Variants in TSPAN15 observed in about 807,000 individuals in gnomAD.
The protein encoded by TSPAN15 is tetraspanin 15.
Under a neutral mutation model 34.5 loss-of-function variants are expected in TSPAN15, and 20 were observed. That is an observed-to-expected ratio of 0.58 (90% CI 0.41 to 0.84). The LOEUF (loss-of-function observed/expected upper bound fraction) is 0.84. TSPAN15 is among the 40% of genes least tolerant of loss of function. The pLI, the probability that TSPAN15 is intolerant of heterozygous loss-of-function variation, is 0.00. For missense variants in TSPAN15, 313 were observed against 386.1 expected (o/e 0.81, Z 1.59); for synonymous variants, 155 against 153.9 (o/e 1.01, Z -0.05).
At chr10:69,539,473 AAGGAGAAGG>A in the TSPAN15 span, among the ~76,000 whole-genome samples, 399 of 61,352 alleles carry the variant, frequency 6.5e-3, 9 homozygotes, top group African/African-American at 0.018. Flanking sequence ...GGAGAAGGAG[AAGGAGAAGG>A]AGAAGAAGAA....
At chr10:69,473,817 C>T (rs1393127392) in intron 1 of TSPAN15, among the ~76,000 whole-genome samples, 1 of 152,112 alleles carries the variant, frequency 6.6e-6, no homozygotes, top group African/African-American at 2.4e-5. Flanking sequence ...CCTGCACGTT[C>T]CAGACACTTG....
chr10:69,470,247 G>A (rs950924143), intron 1 of TSPAN15, among the ~76,000 whole-genome samples: 5 of 152,116 alleles, frequency 3.3e-5, no homozygotes, highest in South Asian at 2.1e-4. Context: ...GGGAGGTATG[G>A]AATATCACAT....
rs140899572 is a variant in TSPAN15, at chr10:69,504,765, G to A, written c.618+280G>A. Among the ~76,000 whole-genome samples the A allele has an allele frequency of 6.1e-3, 923 of 152,268 alleles. 12 individuals carry two copies. The highest frequency in any genetic ancestry group is 0.021 in the African/African-American group (880 of 41,538). On this transcript the variant is annotated intron_variant, in intron 6 of 7. Transcript: ENST00000373290. ...GCCACCACGGCGCTTCCTGGTACCCGCAGCGTGCTGTGTGCCCAGCCATGC... is the reference window on the plus strand; with the variant it reads ...GCCACCACGGCGCTTCCTGGTACCCACAGCGTGCTGTGTGCCCAGCCATGC...
intron 1 of TSPAN15, among the ~76,000 whole-genome samples, chr10:69,459,105 C>CAAAAAA (rs1259881929): frequency 1.4e-4 from 8 of 57,670 alleles, no homozygotes; most frequent in East Asian, 5.1e-4. Flanking sequence ...ACAAAACAGA[C>CAAAAAA]AAAAAAAAAA....
At chr10:69,454,255 T>C (rs1841035330) in intron 1 of TSPAN15, among the ~76,000 whole-genome samples, 1 of 152,224 alleles carries the variant, frequency 6.6e-6, no homozygotes, top group South Asian at 2.1e-4. Flanking sequence ...CGGTGGCTCA[T>C]GCTTGTAATC....
the TSPAN15 span, among the ~76,000 whole-genome samples, chr10:69,533,342 G>C: frequency 6.6e-6 from 1 of 152,086 alleles, no homozygotes. Context: ...GCCATAAAAA[G>C]GAATGAATTA....
Position 69,453,899 on chromosome 10 carries a change from T to G in TSPAN15, c.96+2209T>G, listed in dbSNP as rs139570513. On this transcript the variant is annotated intron_variant, in intron 1 of 7. Transcript: ENST00000373290. ...TCCCATCCCTGGAAGTATTTCTGTT[T>G]AAAAGTCTCTACACCCATGCCAAGA... Among the ~76,000 whole-genome samples the G allele has an allele frequency of 4.7e-3, 710 of 152,292 alleles. 6 individuals are homozygous for G. Among genetic ancestry groups the G allele is most frequent in the African/African-American group, 0.016 (675 of 41,560 alleles).
At chr10:69,487,959 G>A (rs371019126) in intron 3 of TSPAN15, among the ~76,000 whole-genome samples, 1 of 152,178 alleles carries the variant, frequency 6.6e-6, no homozygotes, top group Non-Finnish European at 1.5e-5. Context: ...ACGCCTCTCC[G>A]CTGTTTGGAG....
At chr10:69,466,913 G>C (rs1206181872) in intron 1 of TSPAN15, among the ~76,000 whole-genome samples, 1 of 152,222 alleles carries the variant, frequency 6.6e-6, no homozygotes, top group Non-Finnish European at 1.5e-5. Flanking sequence ...TGAGGGAGAT[G>C]GTCTGGCCAG....
At chr10:69,452,953 G>A (rs1390741316) in intron 1 of TSPAN15, among the ~76,000 whole-genome samples, 1 of 152,202 alleles carries the variant, frequency 6.6e-6, no homozygotes, top group Non-Finnish European at 1.5e-5. Flanking sequence ...TTTGTGGGTG[G>A]GGCCTTGCCT....
chr10:69,542,740 G>T, the TSPAN15 span, among the ~76,000 whole-genome samples: 1 of 152,210 alleles, frequency 6.6e-6, no homozygotes, highest in African/African-American at 2.4e-5. Context: ...ACAGCATGGA[G>T]ATAACCTCCC....
the TSPAN15 span, among the ~76,000 whole-genome samples, chr10:69,517,423 A>G: frequency 6.6e-6 from 1 of 152,214 alleles, no homozygotes; most frequent in African/African-American, 2.4e-5. Flanking sequence ...GGAGGTTTTT[A>G]TGACTGGCCT....
chr10:69,456,931 G>T (rs935062187), intron 1 of TSPAN15, among the ~76,000 whole-genome samples: 1 of 152,314 alleles, frequency 6.6e-6, no homozygotes, highest in East Asian at 1.9e-4. Flanking sequence ...GTCAGAGCTG[G>T]CATGTACCCC....
At chr10:69,476,762 A>G (rs767547986) in intron 1 of TSPAN15, among the ~76,000 whole-genome samples, 1 of 152,086 alleles carries the variant, frequency 6.6e-6, no homozygotes, top group Non-Finnish European at 1.5e-5. Flanking sequence ...GGCAGGAGGC[A>G]GCCTCTGCTG....
At chr10:69,464,311 A>G (rs1841334689) in intron 1 of TSPAN15, among the ~76,000 whole-genome samples, 1 of 125,848 alleles carries the variant, frequency 7.9e-6, no homozygotes, top group African/African-American at 2.7e-5. Context: ...GAGGGGCCCA[A>G]CTGAGCAGGG....
chr10:69,505,229 TGAGATA>T (rs1170485834), intron 6 of TSPAN15, among the ~76,000 whole-genome samples: 1 of 152,192 alleles, frequency 6.6e-6, no homozygotes, highest in African/African-American at 2.4e-5. Flanking sequence ...CATAATGATC[TGAGATA>T]AAGTAGAAAT....
chr10:69,494,851 C>A (rs531264968), intron 3 of TSPAN15: 25 of 985,600 alleles, frequency 2.5e-5, no homozygotes, highest in Non-Finnish European at 2.8e-5. Flanking sequence ...CTCCTGCCCC[C>A]GCCCCTTCCC....
rs191933849 is a variant in TSPAN15 at position 69,507,621 on chromosome 10, A to G, written c.*643A>G. On this transcript the variant is annotated 3_prime_UTR_variant, in exon 8 of 8. Transcript: ENST00000373290. ...ATGTCTTATTCTTGCCCTTCCCCCA[A>G]CCAGTTTGTTAATCAAACAATAAAA... is the stretch of plus-strand genomic sequence containing the variant. 22 of 1,283,172 alleles carry G rather than the reference A, an allele frequency of 1.7e-5. No homozygotes were observed. In the Admixed American group the frequency reaches 5.5e-4, roughly 32 times the overall value. 79.5% of individuals were successfully genotyped at this position (1,283,172 alleles called of 1,614,324 possible).
chr10:69,509,177 C>A (rs1314979130), downstream of TSPAN15, among the ~76,000 whole-genome samples: 1 of 152,130 alleles, frequency 6.6e-6, no homozygotes, highest in East Asian at 1.9e-4. Flanking sequence ...CTTACCTGGA[C>A]CCTGGAACCC....
Sources: allele counts gnomAD v4.1 joint callset (sites outside exome capture counted in the v4.1 genomes callset), GRCh38; gene constraint gnomAD v4.1.1; transcripts MANE v1.5; gene names NCBI Gene and HGNC (gene_info 2026-07-23, HGNC 2026-07-21).